The following PLOD3 variants were observed in gnomAD, a reference collection of about 807,000 sequenced individuals.
PLOD3 encodes multifunctional procollagen lysine hydroxylase and glycosyltransferase LH3.
PLOD3 carries 73 observed loss-of-function variants against 96.9 expected under a neutral mutation model. The ratio of observed to expected loss-of-function variants is 0.75; its 90% CI spans 0.62 to 0.92. PLOD3 has a LOEUF of 0.92. PLOD3 is among the 40% of genes least tolerant of loss of function. The pLI, the probability that PLOD3 is intolerant of heterozygous loss-of-function variation, is 0.00. For synonymous variants in PLOD3, 454 were observed against 413.7 expected (o/e 1.10, Z -1.18); for missense variants, 1,004 against 1,004.3 (o/e 1.00, Z 0.00).
At position 101,212,375 on chromosome 7, in the gene PLOD3, C is replaced by G. The variant is rs112604839; in HGVS notation, c.1006-1G>C. 1.2e-6 allele frequency: 2 copies of G among 1,613,156 alleles called. No individual in the cohort carries two copies. The highest frequency in any genetic ancestry group is 2.2e-5 in the East Asian group (1 of 44,848). ...CGATGTGGGGTTCATGGAAGACCTC[C>G]TGGGAGGGGAAGACATAGGGGGATG... On this transcript the variant is annotated splice_acceptor_variant, in intron 9 of 18. Transcript: ENST00000223127. LOFTEE classifies it high-confidence loss of function.
At position 101,207,303 on chromosome 7, in the gene PLOD3, G is replaced by A. The variant is rs114517351; in HGVS notation, c.1935+275C>T. Reference sequence around the variant, plus strand: ...CGCAGGGTGTCTTCAGGGAGATGACGGTCCCTGTCCAGGGAGGGGAGGGGA... The same window carrying A: ...CGCAGGGTGTCTTCAGGGAGATGACAGTCCCTGTCCAGGGAGGGGAGGGGA... On this transcript the variant is annotated intron_variant, in intron 17 of 18. Transcript: ENST00000223127. 7.9e-3 allele frequency among the ~76,000 whole-genome samples: 1,198 copies of A among 152,138 alleles called. 8 individuals carry two copies. Among genetic ancestry groups the A allele is most frequent in the African/African-American group, 0.027 (1,135 of 41,504 alleles).
intron 12 of PLOD3, 112 bp from the exon 13 acceptor site, chr7:101,210,785 C>A: frequency 8.7e-7 from 1 of 1,150,798 alleles, no homozygotes; most frequent in East Asian, 2.4e-5. Context: ...AACATAAGGC[C>A]CCTGCATGTC....
chr7:101,213,859 C>T (rs1811204), intron 6 of PLOD3, among the ~76,000 whole-genome samples: 2,069 of 151,938 alleles, frequency 0.014, 36 homozygotes, highest in East Asian at 0.086. Flanking sequence ...CCACCATGCC[C>T]GGCTAATTTT....
chr7:101,216,124 C>T (rs377426509), intron 4 of PLOD3, 39 bp downstream of exon 4: 3 of 1,613,538 alleles, frequency 1.9e-6, no homozygotes, highest in Non-Finnish European at 2.5e-6. Flanking sequence ...TGTGTCCCAC[C>T]GCTCTTGGCC....
rs1430179580 is a variant in PLOD3, at chr7:101,217,492, C to G, written c.-218G>C. 4 of 481,196 alleles carry G rather than the reference C, an allele frequency of 8.3e-6. No individual in the cohort carries two copies. The highest frequency in any genetic ancestry group is 4.1e-5 in the African/African-American group (2 of 48,282). 29.8% of individuals were successfully genotyped at this position (481,196 alleles called of 1,614,324 possible). On this transcript the variant is annotated 5_prime_UTR_variant, in exon 1 of 19. Coordinates refer to ENST00000223127, the MANE Select transcript of PLOD3 (RefSeq NM_001084.5). Reference sequence around the variant, plus strand: ...GCCACAGACAAGGCGAGGATTGTCCCGGGCGCACGGGAGGCGGGGGAGGGG... The same window carrying G: ...GCCACAGACAAGGCGAGGATTGTCCGGGGCGCACGGGAGGCGGGGGAGGGG...
chr7:101,210,248 G>C, intron 14 of PLOD3, 83 bp downstream of exon 14: 1 of 1,480,204 alleles, frequency 6.8e-7, no homozygotes, highest in Non-Finnish European at 9.3e-7. Flanking sequence ...AGTGTCCTGC[G>C]CTGGCAGCAG....
intron 17 of PLOD3, among the ~76,000 whole-genome samples, chr7:101,207,242 C>T (rs1359932722): frequency 6.6e-6 from 1 of 152,104 alleles, no homozygotes; most frequent in African/African-American, 2.4e-5. Context: ...TCGCAAAGTG[C>T]TGGGATTACA....
chr7:101,216,519 CT>C lies in PLOD3; in HGVS notation c.228del (p.Gly78ValfsTer16). The C allele has an allele frequency of 1.9e-6, 3 of 1,614,154 alleles. No individual in the cohort carries two copies. Among genetic ancestry groups the C allele is most frequent in the Non-Finnish European group, 2.5e-6 (3 of 1,180,032 alleles). On this transcript the variant is annotated frameshift_variant, in exon 3 of 19. Transcript: ENST00000223127. LOFTEE classifies it high-confidence loss of function. Reference protein sequence around the residue: ...VRTLGLGEEWRGGDVARTVGG... With the variant: ...VRTLGLGEEWXGGDVARTVGG... ...CCAACTGTTCGAGCCACATCACCCCCTCGCCACTCCTCTCCCAGGCCCAGGG... is the reference window on the plus strand; with the variant it reads ...CCAACTGTTCGAGCCACATCACCCCCCGCCACTCCTCTCCCAGGCCCAGGG...
At chr7:101,216,922 C>CT in intron 1 of PLOD3, 136 bp from the exon 2 acceptor site, 1 of 788,820 alleles carries the variant, frequency 1.3e-6, no homozygotes, top group East Asian at 2.7e-5. Context: ...CAGGAACACT[C>CT]TGACCCCAAG....
chr7:101,216,382 C>G, intron 3 of PLOD3, 28 bp downstream of exon 3: 1 of 1,613,140 alleles, frequency 6.2e-7, no homozygotes, highest in Non-Finnish European at 8.5e-7. Flanking sequence ...AGCATCCTTA[C>G]CCCGCTCCCT....
At chr7:101,211,994 G>A (rs772661868) in intron 10 of PLOD3, 44 bp from the exon 11 acceptor site, 30 of 1,334,574 alleles carry the variant, frequency 2.2e-5, no homozygotes, top group Middle Eastern at 2.3e-4. Context: ...GTGGGGAGGC[G>A]GTGTGGATGG....
intron 6 of PLOD3, 170 bp from the exon 7 acceptor site, chr7:101,213,374 G>A: frequency 1.5e-6 from 1 of 672,776 alleles, no homozygotes; most frequent in Admixed American, 2.1e-5. Flanking sequence ...CCAGGCTGCT[G>A]GCCCAGAGAG....
intron 6 of PLOD3, chr7:101,213,415 C>T (rs566070685): frequency 2.0e-5 from 12 of 607,720 alleles, no homozygotes; most frequent in South Asian, 7.6e-5. Flanking sequence ...GTGATCACAC[C>T]GCAGCTGGGC....
chr7:101,212,754 T>G (rs572520097), intron 8 of PLOD3, 88 bp downstream of exon 8: 1 of 1,579,252 alleles, frequency 6.3e-7, no homozygotes. Context: ...CCAGGAGCGA[T>G]GCCCCCACCG....
chr7:101,206,836 G>T lies in PLOD3; in HGVS notation c.2004C>A (p.His668Gln). Residue 668 changes from histidine (H) to glutamine (Q), a missense_variant, in exon 18 of 19, where the codon CAC becomes CAA. This residue lies in a region of PLOD3 where 222 missense variants were observed against 220.4 expected (regional missense o/e 1.01). Coordinates refer to ENST00000223127, the MANE Select transcript of PLOD3 (RefSeq NM_001084.5). ...PDEQPSLRPH[H>Q]DSSTFTLNVA... ...CGTTGAGGGTGAAGGTGGATGAGTCGTGGTGTGGCCGCAGAGACGGCTGCT... is the reference window on the plus strand; with the variant it reads ...CGTTGAGGGTGAAGGTGGATGAGTCTTGGTGTGGCCGCAGAGACGGCTGCT... 6.4e-7 allele frequency: 1 copy of T among 1,574,690 alleles called. No homozygotes were observed. The highest frequency in any genetic ancestry group is 8.6e-7 in the Non-Finnish European group (1 of 1,159,756).
chr7:101,211,689 G>A lies in PLOD3; in HGVS notation c.1260C>T (p.Arg420=), dbSNP rs1234588914. The A allele has an allele frequency of 6.2e-7, 1 of 1,607,168 alleles. No homozygotes were observed. Among genetic ancestry groups the A allele is most frequent in the African/African-American group, 1.3e-5 (1 of 74,996 alleles). ...NRKVIAPMLS[R]HGKLWSNFWG... The stretch of plus-strand genomic sequence containing the variant: ...AGAAGTTGGACCACAGCTTGCCGTG[G>A]CGGGACAGCATGGGGGCGATCACCT... Residue 420 remains arginine (R), a synonymous_variant, in exon 12 of 19, where the codon CGC becomes CGT. Transcript: ENST00000223127.
intron 16 of PLOD3, chr7:101,208,571 G>A (rs1798123040): frequency 5.0e-6 from 2 of 400,656 alleles, no homozygotes; most frequent in Admixed American, 7.0e-5. Context: ...ATTTTTTGTA[G>A]AGACAGGGTC....
In PLOD3 at chr7:101,209,003, C is replaced by T. The variant is rs114837156; in HGVS notation, c.1684-46G>A. Reference sequence around the variant, plus strand: ...AACAGGGCTAGCTGACGCCGCAGAACGGGGAAGGGGACAGGCAGCAGGCAG... The same window carrying T: ...AACAGGGCTAGCTGACGCCGCAGAATGGGGAAGGGGACAGGCAGCAGGCAG... On this transcript the variant is annotated intron_variant, in intron 15 of 18. Coordinates refer to ENST00000223127, the MANE Select transcript of PLOD3 (RefSeq NM_001084.5). 2.8e-3 allele frequency: 3,726 copies of T among 1,347,406 alleles called. 77 individuals are homozygous for T. The African/African-American group carries it at 0.046, about 17-fold the overall frequency. 83.5% of individuals were successfully genotyped at this position (1,347,406 alleles called of 1,614,324 possible).
Position 101,208,869 on chromosome 7 carries a change from G to C in PLOD3, c.1772C>G (p.Ser591Ter). Reference sequence around the variant, plus strand: ...GGCCCTTACCTCATGCCGGCCGCCTGACCACTGGCCGTAGTGCTCCATCTC... The same window carrying C: ...GGCCCTTACCTCATGCCGGCCGCCTCACCACTGGCCGTAGTGCTCCATCTC... ...VAEMEHYGQW[S>*]GGRHEDSRLA... Residue 591 changes from serine to a stop codon, truncating the protein, a stop_gained, in exon 16 of 19, where the codon TCA (serine) becomes TGA (stop). Coordinates refer to ENST00000223127, the MANE Select transcript of PLOD3 (RefSeq NM_001084.5). LOFTEE classifies it high-confidence loss of function. 6.2e-7 allele frequency: 1 copy of C among 1,612,872 alleles called. No homozygotes were observed. The highest frequency in any genetic ancestry group is 8.5e-7 in the Non-Finnish European group (1 of 1,178,956).
Sources: allele counts gnomAD v4.1 joint callset (sites outside exome capture counted in the v4.1 genomes callset), GRCh38; gene constraint gnomAD v4.1.1; regional missense constraint gnomAD v4.1.1; transcripts MANE v1.5; gene names NCBI Gene and HGNC (gene_info 2026-07-23, HGNC 2026-07-21).